The following OSTF1 variants were observed in gnomAD, a reference collection of about 807,000 sequenced individuals.
OSTF1 encodes the protein osteoclast stimulating factor 1, also known as osteoclast-stimulating factor 1.
In OSTF1, 27 loss-of-function variants were observed where a neutral mutation model predicts 37.2. That is an observed-to-expected ratio of 0.73 (90% CI 0.54 to 1.00). The LOEUF (loss-of-function observed/expected upper bound fraction) is 1.00, where lower values mean the gene tolerates loss of function less well. Among genes scored for constraint, OSTF1 ranks in the 50% least tolerant of loss-of-function variants. OSTF1 has a pLI of 0.00. For missense variants in OSTF1, 232 were observed against 253.8 expected, an observed-to-expected ratio of 0.91 and a Z score of 0.58; for synonymous variants, 82 against 89.2, an observed-to-expected ratio of 0.92 and a Z score of 0.46.
At chr9:75,115,772 CAACT>C (rs1825478331) in intron 1 of OSTF1, among the ~76,000 whole-genome samples, 1 of 151,676 alleles carries the variant, frequency 6.6e-6, no homozygotes, top group Non-Finnish European at 1.5e-5. Context: ...CAGATTCAAC[CAACT>C]GTGAATCAAA....
At chr9:75,135,586 C>T (rs908106566) in intron 7 of OSTF1, among the ~76,000 whole-genome samples, 1 of 152,106 alleles carries the variant, frequency 6.6e-6, no homozygotes, top group East Asian at 1.9e-4. Flanking sequence ...ATATTCTCAC[C>T]TTTGTTTTAT....
intron 5 of OSTF1, 133 bp from the exon 6 acceptor site, chr9:75,133,161 G>T: frequency 1.7e-6 from 1 of 582,272 alleles, no homozygotes; most frequent in Non-Finnish European, 3.1e-6. Context: ...GCATTAATGG[G>T]GAGGTCTTAA....
intron 2 of OSTF1, among the ~76,000 whole-genome samples, chr9:75,119,060 A>T (rs1057468239): frequency 6.6e-6 from 1 of 152,264 alleles, no homozygotes; most frequent in African/African-American, 2.4e-5. Context: ...GCAACTCAGA[A>T]GGTCACACAG....
chr9:75,126,224 A>C (rs993312021), intron 2 of OSTF1, among the ~76,000 whole-genome samples: 7 of 152,206 alleles, frequency 4.6e-5, no homozygotes, highest in Admixed American at 6.5e-5. Context: ...TGGATGAAGT[A>C]ATTTGTTTCA....
chr9:75,123,949 G>A (rs1477047989), intron 2 of OSTF1, among the ~76,000 whole-genome samples: 3 of 152,158 alleles, frequency 2.0e-5, no homozygotes, highest in African/African-American at 7.2e-5. Flanking sequence ...TTCAAAAACC[G>A]AAATAGCACT....
chr9:75,122,479 T>C (rs1825595790), intron 2 of OSTF1, among the ~76,000 whole-genome samples: 1 of 152,240 alleles, frequency 6.6e-6, no homozygotes, highest in African/African-American at 2.4e-5. Context: ...GGTTTTGTTA[T>C]ACTGTACTAT....
At chr9:75,137,744 C>T (rs2118613072) in intron 8 of OSTF1, 128 bp downstream of exon 8, 3 of 639,362 alleles carry the variant, frequency 4.7e-6, no homozygotes, top group South Asian at 3.8e-5. Flanking sequence ...CTTTGCTCTG[C>T]CTGTGTATCA....
At chr9:75,101,410 G>T (rs925577088) in intron 1 of OSTF1, among the ~76,000 whole-genome samples, 1 of 152,206 alleles carries the variant, frequency 6.6e-6, no homozygotes, top group African/African-American at 2.4e-5. Context: ...TTGTCTTAGT[G>T]AGTAGATGAT....
chr9:75,131,947 A>C, intron 5 of OSTF1, 124 bp downstream of exon 5: 2 of 703,944 alleles, frequency 2.8e-6, no homozygotes, highest in Non-Finnish European at 5.0e-6. Flanking sequence ...CATTTCTGCC[A>C]TCCTAGAAAG....
chr9:75,139,027 C>CTTCTTTCTTTCTTTCTTTCTTTCTTTCT (rs201231543), intron 8 of OSTF1, among the ~76,000 whole-genome samples: 6,217 of 120,452 alleles, frequency 0.052, 613 homozygotes, highest in East Asian at 0.11. Flanking sequence ...TTTGGGGACA[C>CTTCTTTCTTTCTTTCTTTCTTTCTTTCT]TTCTTTCTTT....
intron 1 of OSTF1, among the ~76,000 whole-genome samples, chr9:75,112,344 G>A (rs1227758942): frequency 1.6e-4 from 25 of 152,054 alleles, no homozygotes; most frequent in Non-Finnish European, 2.9e-5. Context: ...AAAGTCATCT[G>A]TGTTTCTTCT....
intron 1 of OSTF1, among the ~76,000 whole-genome samples, chr9:75,105,985 C>T (rs1245591755): frequency 2.6e-5 from 4 of 152,180 alleles, no homozygotes. Context: ...AAACAGAACG[C>T]TCTTGTCAGA....
intron 3 of OSTF1, among the ~76,000 whole-genome samples, chr9:75,129,756 TG>T (rs1249069637): frequency 6.6e-6 from 1 of 152,114 alleles, no homozygotes; most frequent in African/African-American, 2.4e-5. Flanking sequence ...TAAAAAAGAA[TG>T]GAGAGACAAC....
chr9:75,090,983 G>A (rs1017260605), intron 1 of OSTF1, among the ~76,000 whole-genome samples: 3 of 152,116 alleles, frequency 2.0e-5, no homozygotes, highest in Non-Finnish European at 4.4e-5. Context: ...AAATAAAGAT[G>A]CGCAGAAATG....
At chr9:75,108,816 C>T (rs985376295) in intron 1 of OSTF1, among the ~76,000 whole-genome samples, 2 of 152,022 alleles carry the variant, frequency 1.3e-5, no homozygotes, top group South Asian at 2.1e-4. Flanking sequence ...GCAGAGCTAG[C>T]GCAAGAACAT....
At chr9:75,137,174 C>G (rs1383801195) in intron 7 of OSTF1, among the ~76,000 whole-genome samples, 8 of 152,152 alleles carry the variant, frequency 5.3e-5, no homozygotes, top group African/African-American at 1.9e-4. Context: ...TCTCTGTTTT[C>G]CCACCCATGC....
chr9:75,110,865 C>G lies in OSTF1; in HGVS notation c.35-6639C>G, dbSNP rs554047752. 2.6e-5 allele frequency among the ~76,000 whole-genome samples: 4 copies of G among 152,150 alleles called. No homozygotes were observed. In the South Asian group the frequency reaches 8.3e-4, roughly 32 times the overall value. ...AGCTGGGACTATGGGTGTGTACCAA[C>G]CGCAACCACACCTGGCTAATTTTTA... On this transcript the variant is annotated intron_variant, in intron 1 of 9. Coordinates refer to ENST00000346234, the MANE Select transcript of OSTF1 (RefSeq NM_012383.5).
intron 8 of OSTF1, among the ~76,000 whole-genome samples, chr9:75,139,036 T>C (rs1169652491): frequency 7.0e-6 from 1 of 141,922 alleles, no homozygotes; most frequent in African/African-American, 2.8e-5. Context: ...ACTTCTTTCT[T>C]TCTTTCTTTC....
chr9:75,099,838 A>AG (rs201362996), intron 1 of OSTF1, among the ~76,000 whole-genome samples: 4,358 of 152,236 alleles, frequency 0.029, 211 homozygotes, highest in African/African-American at 0.099. Flanking sequence ...CAGAAAAAAA[A>AG]AAAGTGTTGG....
Sources: gnomAD v4.1 joint callset for allele counts (sites outside exome capture counted in the v4.1 genomes callset) on GRCh38, gnomAD v4.1.1 for gene constraint, MANE v1.5 for transcripts, NCBI Gene and HGNC (gene_info 2026-07-23, HGNC 2026-07-21) for gene names.